Variants in IL34 observed in about 807,000 individuals in gnomAD.
IL34 encodes interleukin 34, also known as interleukin-34.
In IL34, 17 loss-of-function variants were observed where a neutral mutation model predicts 25.3. The ratio of observed to expected loss-of-function variants is 0.67; its 90% CI spans 0.46 to 1.01. The LOEUF (loss-of-function observed/expected upper bound fraction) is 1.01. IL34 is among the 50% of genes least tolerant of loss of function. The pLI is 0.00. For synonymous variants in IL34, 174 were observed against 140.9 expected (o/e 1.23, Z -1.66); for missense variants, 368 against 312.9 (o/e 1.18, Z -1.33).
At chr16:70,618,371 T>C (rs576936453) in intron 1 of IL34, among the ~76,000 whole-genome samples, 3,161 of 151,858 alleles carry the variant, frequency 0.021, 123 homozygotes, top group African/African-American at 0.071. Flanking sequence ...GATTGAAGTC[T>C]GGGCCAGGAA....
At chr16:70,654,150 G>C (rs1339736174) in intron 1 of IL34, 1 of 163,836 alleles carries the variant, frequency 6.1e-6, no homozygotes. Flanking sequence ...CCTGAATGCC[G>C]GGCTGGAAAA....
At chr16:70,615,465 C>A (rs559728334) in intron 1 of IL34, among the ~76,000 whole-genome samples, 1 of 152,120 alleles carries the variant, frequency 6.6e-6, no homozygotes, top group South Asian at 2.1e-4. Flanking sequence ...CGAGATTGCG[C>A]CACTGCACTC....
At chr16:70,586,414 AC>A (rs2050695202) in intron 1 of IL34, among the ~76,000 whole-genome samples, 2 of 151,996 alleles carry the variant, frequency 1.3e-5, no homozygotes, top group Non-Finnish European at 2.9e-5. Flanking sequence ...ACAAAAGATA[AC>A]TGGTGGTGTG....
In IL34 at chr16:70,639,841, C is replaced by T. The variant is rs62050281; in HGVS notation, c.-400-6707C>T. On this transcript the variant is annotated intron_variant, in intron 1 of 6. Transcript: ENST00000429149. ...GGTGTGGTGGTGCATGCCTGTAGTCCGAGCTACTCAGGAGGCTAAGGTGAG... is the reference window on the plus strand; with the variant it reads ...GGTGTGGTGGTGCATGCCTGTAGTCTGAGCTACTCAGGAGGCTAAGGTGAG... Among the ~76,000 whole-genome samples the T allele has an allele frequency of 6.2e-3, 937 of 152,038 alleles. 5 individuals carry two copies. The highest frequency in any genetic ancestry group is 0.019 in the African/African-American group (770 of 41,472).
chr16:70,640,573 G>A (rs894838578), intron 1 of IL34, among the ~76,000 whole-genome samples: 3 of 149,136 alleles, frequency 2.0e-5, no homozygotes, highest in African/African-American at 7.5e-5. Flanking sequence ...GTAGTGAGCC[G>A]AGATCTTGCC....
intron 4 of IL34, among the ~76,000 whole-genome samples, chr16:70,659,321 G>A (rs560465394): frequency 4.1e-4 from 63 of 152,336 alleles, no homozygotes; most frequent in Non-Finnish European, 3.1e-4. Flanking sequence ...GTGGGTGGCC[G>A]TGCCTGGGTG....
intron 1 of IL34, among the ~76,000 whole-genome samples, chr16:70,583,459 C>T (rs1275518640): frequency 6.6e-6 from 1 of 152,124 alleles, no homozygotes; most frequent in Non-Finnish European, 1.5e-5. Context: ...AGGGACGAAG[C>T]GAGTGTTAGC....
chr16:70,589,972 G>T (rs908237612), intron 1 of IL34, among the ~76,000 whole-genome samples: 1 of 152,272 alleles, frequency 6.6e-6, no homozygotes, highest in South Asian at 2.1e-4. Context: ...CCTTTACAGG[G>T]TTCGTGAGGA....
At chr16:70,642,252 GAGACAA>G (rs112524540), upstream of IL34, among the ~76,000 whole-genome samples, 1,201 of 150,540 alleles carry the variant, frequency 8.0e-3, 7 homozygotes, top group African/African-American at 0.021. Flanking sequence ...GAGAGAGAGA[GAGACAA>G]AGACAGAGAC....
At chr16:70,640,726 G>T (rs2051762204) in intron 1 of IL34, among the ~76,000 whole-genome samples, 1 of 151,826 alleles carries the variant, frequency 6.6e-6, no homozygotes. Flanking sequence ...GTATGGTAAA[G>T]CTCATCCTCT....
At position 70,592,291 on chromosome 16, in the gene IL34, G is replaced by T. The variant is rs546300989; in HGVS notation, c.-401+12242G>T. ...CTTTGTTGGATGATGTCACTGGAGC[G>T]GGTGCCTCCTGTTCTACTCGCCCTC... On this transcript the variant is annotated intron_variant, in intron 1 of 6. Coordinates refer to the IL34 transcript ENST00000429149. Among the ~76,000 whole-genome samples the T allele has an allele frequency of 1.1e-3, 172 of 152,170 alleles. 2 individuals carry two copies. Among genetic ancestry groups the T allele is most frequent in the African/African-American group, 3.9e-3 (162 of 41,498 alleles).
intron 1 of IL34, among the ~76,000 whole-genome samples, chr16:70,583,871 C>G (rs1239455338): frequency 6.6e-6 from 1 of 152,178 alleles, no homozygotes; most frequent in Non-Finnish European, 1.5e-5. Context: ...AGGCTGATCT[C>G]AAACTCCTGA....
intron 1 of IL34, among the ~76,000 whole-genome samples, chr16:70,611,879 G>A (rs1191085815): frequency 6.6e-6 from 1 of 152,078 alleles, no homozygotes; most frequent in East Asian, 1.9e-4. Context: ...GCTGGATGTG[G>A]TGACAAACAC....
chr16:70,655,628 G>A (rs1456160684), intron 2 of IL34, among the ~76,000 whole-genome samples: 1 of 152,120 alleles, frequency 6.6e-6, no homozygotes, highest in African/African-American at 2.4e-5. Context: ...CTGGGCTCAA[G>A]CAATATGCCC....
intron 3 of IL34, 57 bp from the exon 4 acceptor site, chr16:70,656,903 G>A (rs894422643): frequency 4.5e-6 from 7 of 1,555,290 alleles, no homozygotes; most frequent in Non-Finnish European, 6.1e-6. Context: ...GTGAGGGAGT[G>A]GTCAGAGCCC....
intron 1 of IL34, among the ~76,000 whole-genome samples, chr16:70,652,391 G>C (rs934957433): frequency 8.5e-5 from 13 of 152,128 alleles, no homozygotes; most frequent in African/African-American, 3.1e-4. Context: ...CCAGGAGTTT[G>C]AGATTGCAGT....
Position 70,583,847 on chromosome 16 carries a change from T to C in IL34, c.-401+3798T>C, listed in dbSNP as rs144332618. Among the ~76,000 whole-genome samples the C allele has an allele frequency of 8.3e-3, 1,263 of 152,254 alleles. 19 individuals carry two copies. Among genetic ancestry groups the C allele is most frequent in the African/African-American group, 0.029 (1,212 of 41,542 alleles). ...TTGTATCTTTAGTAGAGATGGGGTT[T>C]CACCATGTTGGCCAGGCTGATCTCA... On this transcript the variant is annotated intron_variant, in intron 1 of 6. Coordinates refer to the IL34 transcript ENST00000429149.
At chr16:70,609,769 C>T (rs1222887865) in intron 1 of IL34, among the ~76,000 whole-genome samples, 1 of 152,150 alleles carries the variant, frequency 6.6e-6, no homozygotes, top group Non-Finnish European at 1.5e-5. Context: ...CCCATGAGGC[C>T]AGTGCTTTCA....
At chr16:70,618,314 A>G (rs906482581) in intron 1 of IL34, among the ~76,000 whole-genome samples, 1 of 152,038 alleles carries the variant, frequency 6.6e-6, no homozygotes, top group Non-Finnish European at 1.5e-5. Context: ...TCTGAGAGAT[A>G]CAGTCATGGG....
Sources: allele counts gnomAD v4.1 joint callset (sites outside exome capture counted in the v4.1 genomes callset), GRCh38; gene constraint gnomAD v4.1.1; transcripts MANE v1.5; gene names NCBI Gene and HGNC (gene_info 2026-07-23, HGNC 2026-07-21).